The following ULBP3 variants were observed in gnomAD, a reference collection of about 807,000 sequenced individuals.
ULBP3 encodes UL16-binding protein 3.
Under a neutral mutation model 24.9 loss-of-function variants are expected in ULBP3, and 25 were observed. The observed-to-expected ratio is 1.00, with a 90% confidence interval of 0.73 to 1.40. The LOEUF (loss-of-function observed/expected upper bound fraction) is 1.40, where lower values mean the gene tolerates loss of function less well. ULBP3 is among the 40% of genes most tolerant of loss of function. The pLI is 0.00. For synonymous variants in ULBP3, 114 were observed against 114.7 expected (o/e 0.99, Z 0.04); for missense variants, 306 against 307.5 (o/e 1.00, Z 0.04).
rs552170956 is a variant in ULBP3, at chr6:150,061,803, T to C, written c.*1571A>G. 7.2e-5 allele frequency among the ~76,000 whole-genome samples: 11 copies of C among 152,368 alleles called. No homozygotes were observed. The highest frequency in any genetic ancestry group is 1.0e-4 in the Non-Finnish European group (7 of 68,048). On this transcript the variant is annotated 3_prime_UTR_variant, in exon 5 of 5. Transcript: ENST00000367339. ...GGATTGCAGGCTTGAATGGTAGTTC[T>C]ATTTTAAGTTCTTGGAGAAATCTCC... is the stretch of plus-strand genomic sequence containing the variant.
At chr6:150,065,144 C>T (rs1166122825) in intron 3 of ULBP3, among the ~76,000 whole-genome samples, 1 of 151,936 alleles carries the variant, frequency 6.6e-6, no homozygotes, top group East Asian at 1.9e-4. Context: ...GTGAGAAATC[C>T]ACAGTGAGTG....
chr6:150,068,123 C>A (rs947300456), intron 1 of ULBP3, among the ~76,000 whole-genome samples: 1 of 152,142 alleles, frequency 6.6e-6, no homozygotes, highest in African/African-American at 2.4e-5. Flanking sequence ...CTCTGATCCC[C>A]AGGACACCAC....
At chr6:150,067,730 A>G (rs1420818466) in intron 1 of ULBP3, among the ~76,000 whole-genome samples, 2 of 152,200 alleles carry the variant, frequency 1.3e-5, no homozygotes, top group Non-Finnish European at 1.5e-5. Flanking sequence ...TGGACCTGCC[A>G]CTACAGCTAT....
Position 150,065,812 on chromosome 6 carries a change from T to A in ULBP3, c.352+87A>T. The A allele has an allele frequency of 2.5e-6, 4 of 1,581,858 alleles. No homozygotes were observed. The South Asian group carries it at 4.7e-5, about 19-fold the overall frequency. On this transcript the variant is annotated intron_variant, in intron 2 of 4. Transcript: ENST00000367339. Reference sequence around the variant, plus strand: ...CCCTTGCTGCTGGGCTTCATGGAGGTCCCATGTCTAATTTCTTCTCCCCAC... The same window carrying A: ...CCCTTGCTGCTGGGCTTCATGGAGGACCCATGTCTAATTTCTTCTCCCCAC...
intron 1 of ULBP3, 105 bp from the exon 2 acceptor site, chr6:150,066,267 G>T: frequency 7.7e-7 from 1 of 1,306,604 alleles, no homozygotes; most frequent in Non-Finnish European, 1.0e-6. Context: ...GGCAGAGCAT[G>T]GATTTCTCTT....
chr6:150,068,370 C>A (rs1323009927), intron 1 of ULBP3, among the ~76,000 whole-genome samples: 1 of 152,176 alleles, frequency 6.6e-6, no homozygotes, highest in Non-Finnish European at 1.5e-5. Context: ...GGGGATGGGG[C>A]AGCAATTGCC....
intron 4 of ULBP3, among the ~76,000 whole-genome samples, 157 bp downstream of exon 4, chr6:150,064,428 A>G (rs976256921): frequency 3.9e-5 from 6 of 152,246 alleles, no homozygotes. Context: ...TGCCCAGGTC[A>G]TTGCAAACAG....
In ULBP3 at chr6:150,066,019, G is replaced by C. The variant is rs1363049487; in HGVS notation, c.232C>G (p.Leu78Val). 5 of 1,614,192 alleles carry C rather than the reference G, an allele frequency of 3.1e-6. No individual in the cohort carries two copies. The highest frequency in any genetic ancestry group is 2.2e-5 in the South Asian group (2 of 91,088). The change falls in exon 2 of 5, where the codon CTA becomes GTA. Residue 78 changes from leucine (L) to valine (V), a missense_variant. By Grantham distance (32) the Leu-to-Val change is conservative. Coordinates refer to ENST00000367339, the MANE Select transcript of ULBP3 (RefSeq NM_024518.3). ...GSDKVLSMGH[L>V]EEQLYATDAW... ...TCTGTGGCATACAGCTGCTCTTCTAGGTGACCCATAGATAAGACCTTGTCA... is the reference window on the plus strand; with the variant it reads ...TCTGTGGCATACAGCTGCTCTTCTACGTGACCCATAGATAAGACCTTGTCA...
chr6:150,066,475 G>T (rs1776349050), intron 1 of ULBP3, among the ~76,000 whole-genome samples: 1 of 152,182 alleles, frequency 6.6e-6, no homozygotes, highest in Admixed American at 6.5e-5. Context: ...GGAGAGTGTG[G>T]GAGGGCACCC....
intron 4 of ULBP3, among the ~76,000 whole-genome samples, chr6:150,063,908 T>C (rs944931348): frequency 1.3e-5 from 2 of 152,140 alleles, no homozygotes; most frequent in African/African-American, 4.8e-5. Context: ...ATCAGCTGGC[T>C]CAGGATCTGG....
chr6:150,065,352 C>G (rs1425744676), intron 3 of ULBP3, 46 bp downstream of exon 3: 7 of 1,606,252 alleles, frequency 4.4e-6, no homozygotes, highest in Non-Finnish European at 6.0e-6. Context: ...AAGGGTGTAA[C>G]TCGATGGCAT....
rs753688977 is a variant in ULBP3, at chr6:150,066,126, T to A, written c.125A>T (p.His42Leu). Residue 42 changes from histidine (H) to leucine (L), a missense_variant, in exon 2 of 5, where the codon CAT becomes CTT. Coordinates refer to ENST00000367339, the MANE Select transcript of ULBP3 (RefSeq NM_024518.3). ...CCACTGTTGCCCATGTCTGGGCAAA[T>A]GAATGATGGTGAAGTTATACCAGAG... The part of the protein sequence containing the change: ...HSLWYNFTII[H>L]LPRHGQQWCE... The A allele has an allele frequency of 1.2e-6, 2 of 1,613,750 alleles. No individual in the cohort carries two copies. The highest frequency in any genetic ancestry group is 1.7e-6 in the Non-Finnish European group (2 of 1,179,976).
chr6:150,067,420 C>T (rs1384041020), intron 1 of ULBP3, among the ~76,000 whole-genome samples: 4 of 152,158 alleles, frequency 2.6e-5, no homozygotes, highest in East Asian at 1.9e-4. Flanking sequence ...GTGTGTGATC[C>T]GAGCTCTTCC....
chr6:150,065,898 C>T lies in ULBP3; in HGVS notation c.352+1G>A, dbSNP rs772589638. On this transcript the variant is annotated splice_donor_variant, in intron 2 of 4. Coordinates refer to ENST00000367339, the MANE Select transcript of ULBP3 (RefSeq NM_024518.3). LOFTEE classifies it high-confidence loss of function. ...TTCTGTCCTTGGTCTCTTTCACTCA[C>T]CACTGGGTGTGAAATCCTCCAGCTC... The T allele has an allele frequency of 1.9e-6, 3 of 1,614,098 alleles. No homozygotes were observed. The highest frequency in any genetic ancestry group is 2.5e-6 in the Non-Finnish European group (3 of 1,180,030).
chr6:150,068,931 C>T, intron 1 of ULBP3, 48 bp downstream of exon 1: 2 of 1,541,094 alleles, frequency 1.3e-6, no homozygotes, highest in Non-Finnish European at 8.8e-7. Flanking sequence ...AGTCCACAGC[C>T]CCCCAGGTTT....
At position 150,061,481 on chromosome 6, in the gene ULBP3, C is replaced by T. The variant is rs527959337; in HGVS notation, c.*1893G>A. ...TCATGTGAATTCAATGTGTAGCTGCCACTTTCCAATGGGAACATGCAGTAT... is the reference window on the plus strand; with the variant it reads ...TCATGTGAATTCAATGTGTAGCTGCTACTTTCCAATGGGAACATGCAGTAT... On this transcript the variant is annotated 3_prime_UTR_variant, in exon 5 of 5. Coordinates refer to ENST00000367339, the MANE Select transcript of ULBP3 (RefSeq NM_024518.3). Among the ~76,000 whole-genome samples, 2 of 152,282 alleles carry T rather than the reference C, an allele frequency of 1.3e-5. No individual in the cohort carries two copies. The highest frequency in any genetic ancestry group is 4.8e-5 in the African/African-American group (2 of 41,552).
At chr6:150,063,675 G>C (rs1489111912) in intron 4 of ULBP3, among the ~76,000 whole-genome samples, 1 of 152,222 alleles carries the variant, frequency 6.6e-6, no homozygotes, top group Non-Finnish European at 1.5e-5. Context: ...TGTCCAAAGA[G>C]AGGTCTCTGG....
In ULBP3 at chr6:150,062,028, T is replaced by C. The variant is rs1776280117; in HGVS notation, c.*1346A>G. Among the ~76,000 whole-genome samples, 1 of 152,242 alleles carries C rather than the reference T, an allele frequency of 6.6e-6. No individual in the cohort carries two copies. Among genetic ancestry groups the C allele is most frequent in the Admixed American group, 6.5e-5 (1 of 15,282 alleles). On this transcript the variant is annotated 3_prime_UTR_variant, in exon 5 of 5. Coordinates refer to ENST00000367339, the MANE Select transcript of ULBP3 (RefSeq NM_024518.3). ...TTGTTGGCCACTTGTATGTCTTCTT[T>C]TGAAAAGTGTCTGTTCATGTCTTTG...
intron 4 of ULBP3, among the ~76,000 whole-genome samples, 162 bp downstream of exon 4, chr6:150,064,423 A>G (rs1287026140): frequency 6.6e-6 from 1 of 152,150 alleles, no homozygotes; most frequent in Non-Finnish European, 1.5e-5. Flanking sequence ...TGAGCTGCCC[A>G]GGTCATTGCA....
Sources: allele counts gnomAD v4.1 joint callset (sites outside exome capture counted in the v4.1 genomes callset), GRCh38; gene constraint gnomAD v4.1.1; transcripts MANE v1.5; gene names NCBI Gene and HGNC (gene_info 2026-07-23, HGNC 2026-07-21).